The following CLEC16A variants were observed in gnomAD, a reference collection of about 807,000 sequenced individuals.
CLEC16A encodes the protein C-type lectin domain containing 16A.
In CLEC16A, 51 loss-of-function variants were observed where a neutral mutation model predicts 109.5. The observed-to-expected ratio is 0.47, with a 90% confidence interval of 0.37 to 0.59. The LOEUF (loss-of-function observed/expected upper bound fraction) is 0.59, where lower values mean the gene tolerates loss of function less well. Among genes scored for constraint, CLEC16A ranks in the 20% least tolerant of loss-of-function variants. The probability of loss-of-function intolerance (pLI) is 0.00; values close to 1 mark genes in which losing one functional copy is unlikely to be tolerated. For synonymous variants in CLEC16A, 673 were observed against 564.2 expected, an observed-to-expected ratio of 1.19 and a Z score of -2.73; for missense variants, 1,339 against 1,394.0, an observed-to-expected ratio of 0.96 and a Z score of 0.63.
At chr16:10,973,934 C>G (rs1237363907) in intron 7 of CLEC16A, among the ~76,000 whole-genome samples, 1 of 106,046 alleles carries the variant, frequency 9.4e-6, no homozygotes, top group African/African-American at 3.9e-5. Context: ...GAGTCTTGCT[C>G]TGTCTCCCAG....
intron 10 of CLEC16A, among the ~76,000 whole-genome samples, chr16:10,993,123 G>T (rs2044129100): frequency 6.6e-6 from 1 of 152,158 alleles, no homozygotes; most frequent in Admixed American, 6.5e-5. Context: ...TGGGCTTGGT[G>T]GTTCATGCCT....
At chr16:10,944,837 C>A in intron 1 of CLEC16A, 40 bp downstream of exon 1, 1 of 1,532,426 alleles carries the variant, frequency 6.5e-7, no homozygotes, top group Non-Finnish European at 8.9e-7. Context: ...CGGGGCTGGA[C>A]AGGGGGACGG....
chr16:11,118,282 C>T (rs9806963), intron 19 of CLEC16A, among the ~76,000 whole-genome samples: 45,846 of 151,980 alleles, frequency 0.3, 7,030 homozygotes, highest in African/African-American at 0.36. Flanking sequence ...AGAGAAGGAA[C>T]CTAGCATATG....
At chr16:11,070,172 A>C (rs1384881875) in intron 19 of CLEC16A, among the ~76,000 whole-genome samples, 2 of 151,064 alleles carry the variant, frequency 1.3e-5, no homozygotes, top group East Asian at 1.9e-4. Flanking sequence ...CCGGGTTCAC[A>C]CCATTCTCCT....
At chr16:11,140,056 TTCTTCTACC>T (rs1205410598) in intron 22 of CLEC16A, among the ~76,000 whole-genome samples, 5 of 152,226 alleles carry the variant, frequency 3.3e-5, no homozygotes, top group East Asian at 1.9e-4. Flanking sequence ...GGGTGCCTGC[TTCTTCTACC>T]TCTTCTACCG....
chr16:11,149,264 C>G (rs2054197166), intron 22 of CLEC16A, among the ~76,000 whole-genome samples: 1 of 152,100 alleles, frequency 6.6e-6, no homozygotes, highest in African/African-American at 2.4e-5. Context: ...ATGGATGGAA[C>G]CGGTCAGCTG....
intron 4 of CLEC16A, among the ~76,000 whole-genome samples, chr16:10,969,692 T>G (rs1859643505): frequency 6.6e-6 from 1 of 152,138 alleles, no homozygotes; most frequent in Admixed American, 6.5e-5. Context: ...TTCTGAGAGC[T>G]TTATACTTGG....
intron 13 of CLEC16A, among the ~76,000 whole-genome samples, chr16:11,034,062 TTG>T (rs1340886890): frequency 6.6e-6 from 1 of 152,166 alleles, no homozygotes; most frequent in Admixed American, 6.5e-5. Flanking sequence ...TCTTTGTGTT[TTG>T]TGTTTTGTTT....
At chr16:11,070,304 T>C (rs1228593159) in intron 19 of CLEC16A, among the ~76,000 whole-genome samples, 1 of 151,932 alleles carries the variant, frequency 6.6e-6, no homozygotes, top group African/African-American at 2.4e-5. Context: ...TCTCCTGACC[T>C]CGTGATCCGC....
intron 11 of CLEC16A, among the ~76,000 whole-genome samples, chr16:11,010,841 A>T (rs1387997254): frequency 6.6e-6 from 1 of 152,030 alleles, no homozygotes; most frequent in Non-Finnish European, 1.5e-5. Flanking sequence ...CTTTTGCGAC[A>T]TTGACTTTTT....
Position 11,178,292 on chromosome 16 carries a change from C to G in CLEC16A, c.2807-43C>G. On this transcript the variant is annotated intron_variant, in intron 23 of 23. Transcript: ENST00000409790. This position sits in a 1 kb window ranked among gnomAD's most constrained non-coding sequence, Gnocchi z 6.5. ...CACAGGGCGCAGTGCGACGGGGTGT[C>G]TCAAGGGCTCAGTGTGTTTCCGGTT... The G allele has an allele frequency of 6.5e-7, 1 of 1,543,296 alleles. No homozygotes were observed. The highest frequency in any genetic ancestry group is 1.2e-5 in the South Asian group (1 of 83,488).
At chr16:11,081,469 G>C (rs2049713894) in intron 19 of CLEC16A, among the ~76,000 whole-genome samples, 1 of 152,058 alleles carries the variant, frequency 6.6e-6, no homozygotes, top group African/African-American at 2.4e-5. Context: ...CCTCCAGGTA[G>C]GGCTCCTCCA....
chr16:11,121,993 C>T (rs1482365008), intron 20 of CLEC16A, among the ~76,000 whole-genome samples: 3 of 151,686 alleles, frequency 2.0e-5, no homozygotes, highest in Admixed American at 1.3e-4. Context: ...CCTCCCAGGT[C>T]GCCCCTCTGC....
chr16:11,075,021 T>A (rs1470887602), intron 19 of CLEC16A, among the ~76,000 whole-genome samples: 5 of 152,100 alleles, frequency 3.3e-5, no homozygotes, highest in Admixed American at 1.3e-4. Context: ...AAAATTTTTT[T>A]AAAAATTAGC....
chr16:11,084,577 A>T (rs79860722), intron 19 of CLEC16A, among the ~76,000 whole-genome samples: 39 of 152,330 alleles, frequency 2.6e-4, no homozygotes, highest in Non-Finnish European at 4.9e-4. Context: ...TCTGACAGAC[A>T]TCTGACACAC....
rs117117112 is a variant in CLEC16A at position 10,981,156 on chromosome 16, C to T, written c.958-1722C>T. Among the ~76,000 whole-genome samples the T allele has an allele frequency of 1.6e-3, 239 of 152,288 alleles. 6 individuals carry two copies. In the East Asian group the frequency reaches 0.039, roughly 25 times the overall value. On this transcript the variant is annotated intron_variant, in intron 9 of 23. Coordinates refer to ENST00000409790, the MANE Select transcript of CLEC16A (RefSeq NM_015226.3). ...AATTGGTTGCTTTGTTCAGGGGGGC[C>T]TTTGTAGGTGCTCACTGAATGCTTG...
chr16:11,115,096 G>C (rs1469063561), intron 19 of CLEC16A, among the ~76,000 whole-genome samples: 1 of 152,200 alleles, frequency 6.6e-6, no homozygotes, highest in Non-Finnish European at 1.5e-5. Context: ...CAGGCAGCCA[G>C]GCTCTATGAG....
At position 10,969,231 on chromosome 16, in the gene CLEC16A, T is replaced by A; in HGVS notation, c.414T>A (p.Ile138=). Residue 138 remains isoleucine (I), a synonymous_variant, in exon 4 of 24, where the codon ATT becomes ATA. Coordinates refer to ENST00000409790, the MANE Select transcript of CLEC16A (RefSeq NM_015226.3). ...VHKFDFSDEE[I]MAYYISFLKT... is the part of the protein sequence containing the mutation. ...AATTTGACTTTTCTGATGAGGAGAT[T>A]ATGGCCTATTATATATCGTTCCTGA... 1 of 1,609,416 alleles carries A rather than the reference T, an allele frequency of 6.2e-7. No individual in the cohort carries two copies. The highest frequency in any genetic ancestry group is 1.1e-5 in the South Asian group (1 of 90,910).
chr16:10,951,638 TCAGA>T (rs2041737824), intron 1 of CLEC16A, among the ~76,000 whole-genome samples: 1 of 152,240 alleles, frequency 6.6e-6, no homozygotes, highest in Non-Finnish European at 1.5e-5. Context: ...AACGAAGCAC[TCAGA>T]CAGAGACTGG....
Sources: allele counts gnomAD v4.1 joint callset (sites outside exome capture counted in the v4.1 genomes callset), GRCh38; gene constraint gnomAD v4.1.1; non-coding constraint Gnocchi (gnomAD v3.1); transcripts MANE v1.5; gene names NCBI Gene and HGNC (gene_info 2026-07-23, HGNC 2026-07-21).